Variants in RBMS3 observed in about 807,000 individuals in gnomAD.
RBMS3 encodes the protein RNA-binding motif, single-stranded-interacting protein 3.
RBMS3 carries 27 observed loss-of-function variants against 66.8 expected under a neutral mutation model. The observed-to-expected ratio is 0.40, with a 90% CI of 0.30 to 0.56. The LOEUF is 0.56. Ranked by LOEUF, RBMS3 falls within the 20% of genes least tolerant of loss-of-function variation. The pLI is 0.40. For missense variants in RBMS3, 513 were observed against 549.5 expected, an observed-to-expected ratio of 0.93 and a Z score of 0.66; for synonymous variants, 188 against 183.0, an observed-to-expected ratio of 1.03 and a Z score of -0.22.
At chr3:29,295,296 CATATATATCTATAT>C (rs1384582819) in intron 1 of RBMS3, among the ~76,000 whole-genome samples, 1 of 4,438 alleles carries the variant, frequency 2.3e-4, no homozygotes, top group African/African-American at 5.9e-4. Flanking sequence ...TATATATATA[CATATATATCTATAT>C]ATATACATAT....
intron 3 of RBMS3, among the ~76,000 whole-genome samples, chr3:29,551,560 G>A (rs897276240): frequency 1.3e-5 from 2 of 152,142 alleles, no homozygotes; most frequent in East Asian, 1.9e-4. Context: ...TCGATTGTAT[G>A]TAAGGTCTTA....
intron 6 of RBMS3, among the ~76,000 whole-genome samples, chr3:29,866,077 TAAAAAAAAA>T (rs35591949): frequency 9.5e-6 from 1 of 105,600 alleles, no homozygotes; most frequent in Admixed American, 9.6e-5. Context: ...CACCAAATAC[TAAAAAAAAA>T]AAAAAAAAAA....
At chr3:29,772,772 T>C (rs2056266103) in intron 6 of RBMS3, among the ~76,000 whole-genome samples, 1 of 151,948 alleles carries the variant, frequency 6.6e-6, no homozygotes, top group African/African-American at 2.4e-5. Flanking sequence ...AAATAAAGAA[T>C]CATCTCAGAA....
At chr3:29,860,014 T>C (rs1212481377) in intron 6 of RBMS3, among the ~76,000 whole-genome samples, 1 of 152,232 alleles carries the variant, frequency 6.6e-6, no homozygotes, top group Non-Finnish European at 1.5e-5. Context: ...AGAGGACTTA[T>C]TCTGCAAGAC....
intron 5 of RBMS3, among the ~76,000 whole-genome samples, chr3:29,744,560 G>A (rs1401398808): frequency 1.3e-5 from 2 of 152,158 alleles, no homozygotes; most frequent in Non-Finnish European, 2.9e-5. Context: ...AAGGCAGGCA[G>A]ATCATGAGGT....
intron 4 of RBMS3, among the ~76,000 whole-genome samples, chr3:29,633,399 G>T (rs1056440263): frequency 6.6e-5 from 10 of 151,908 alleles, no homozygotes; most frequent in African/African-American, 2.2e-4. Context: ...TATAAGAGGG[G>T]CTGTGGCATA....
chr3:29,824,702 A>T (rs992157396), intron 6 of RBMS3, among the ~76,000 whole-genome samples: 1 of 152,202 alleles, frequency 6.6e-6, no homozygotes, highest in African/African-American at 2.4e-5. Flanking sequence ...ATGTGTACAA[A>T]CTTGGAAATT....
chr3:29,431,698 G>A (rs963582779), intron 1 of RBMS3, among the ~76,000 whole-genome samples: 6 of 151,990 alleles, frequency 3.9e-5, no homozygotes, highest in East Asian at 3.9e-4. Flanking sequence ...GTGTGTTTGC[G>A]TTGCACAATT....
intron 1 of RBMS3, among the ~76,000 whole-genome samples, chr3:29,369,245 T>G (rs2038063515): frequency 6.6e-6 from 1 of 151,928 alleles, no homozygotes; most frequent in South Asian, 2.1e-4. Flanking sequence ...GAAATAATCT[T>G]ACAACCAACC....
chr3:29,733,118 T>C (rs1326860764), intron 4 of RBMS3, among the ~76,000 whole-genome samples: 1 of 152,142 alleles, frequency 6.6e-6, no homozygotes, highest in African/African-American at 2.4e-5. Flanking sequence ...ATCTTTAGTC[T>C]ATATATACAT....
chr3:29,626,410 C>T (rs544634982), intron 4 of RBMS3, among the ~76,000 whole-genome samples: 59 of 152,264 alleles, frequency 3.9e-4, no homozygotes, highest in African/African-American at 1.4e-3. Flanking sequence ...ATCAAGCTCT[C>T]CTAATTCTGG....
intron 12 of RBMS3, among the ~76,000 whole-genome samples, chr3:29,944,676 T>C (rs1389114207): frequency 6.6e-6 from 1 of 151,722 alleles, no homozygotes; most frequent in Non-Finnish European, 1.5e-5. Flanking sequence ...TTCTTCTAAA[T>C]TGGAAAATCA....
At chr3:29,799,724 A>G (rs1455316372) in intron 6 of RBMS3, among the ~76,000 whole-genome samples, 1 of 152,206 alleles carries the variant, frequency 6.6e-6, no homozygotes, top group South Asian at 2.1e-4. Context: ...TCATTTACAT[A>G]TAAAATGTAC....
intron 1 of RBMS3, among the ~76,000 whole-genome samples, chr3:29,299,025 G>T (rs1029736047): frequency 6.6e-6 from 1 of 151,742 alleles, no homozygotes; most frequent in East Asian, 2.0e-4. Flanking sequence ...ACAAAGGAGG[G>T]TAATCAAATG....
chr3:29,739,378 C>T (rs1349395076), intron 4 of RBMS3, among the ~76,000 whole-genome samples: 1 of 151,382 alleles, frequency 6.6e-6, no homozygotes, highest in Non-Finnish European at 1.5e-5. Context: ...ATGGCGTGAA[C>T]CCGGGAAGCA....
intron 10 of RBMS3, among the ~76,000 whole-genome samples, chr3:29,922,910 C>T (rs866779260): frequency 6.6e-6 from 1 of 152,126 alleles, no homozygotes; most frequent in Non-Finnish European, 1.5e-5. Flanking sequence ...AACATTTCCT[C>T]GTGGGAACTT....
At chr3:29,796,244 C>T (rs904144482) in intron 6 of RBMS3, among the ~76,000 whole-genome samples, 1 of 152,058 alleles carries the variant, frequency 6.6e-6, no homozygotes, top group Non-Finnish European at 1.5e-5. Flanking sequence ...GATTACAGGC[C>T]TGAGCCACCG....
At chr3:29,432,328 G>A (rs1290623469) in intron 1 of RBMS3, among the ~76,000 whole-genome samples, 2 of 152,174 alleles carry the variant, frequency 1.3e-5, no homozygotes, top group Non-Finnish European at 2.9e-5. Context: ...TTGGGTGGCT[G>A]GTGTGGGGAA....
chr3:29,923,316 A>G (rs2060842714), intron 10 of RBMS3, among the ~76,000 whole-genome samples: 1 of 152,232 alleles, frequency 6.6e-6, no homozygotes, highest in South Asian at 2.1e-4. Flanking sequence ...CATCACAGAT[A>G]AACTAGCACA....
Sources: gnomAD v4.1 joint callset for allele counts (sites outside exome capture counted in the v4.1 genomes callset) on GRCh38, gnomAD v4.1.1 for gene constraint, MANE v1.5 for transcripts, NCBI Gene and HGNC (gene_info 2026-07-23, HGNC 2026-07-21) for gene names.